Variants in VAV3 observed in about 807,000 individuals in gnomAD.
The protein encoded by VAV3 is guanine nucleotide exchange factor VAV3.
Under a neutral mutation model 131.2 loss-of-function variants are expected in VAV3, and 94 were observed. That is an observed-to-expected ratio of 0.72 (90% confidence interval 0.61 to 0.85). The LOEUF is 0.85. Ranked by LOEUF, VAV3 falls within the 40% of genes least tolerant of loss-of-function variation. VAV3 has a pLI of 0.00. For synonymous variants in VAV3, 349 were observed against 342.0 expected (o/e 1.02, Z -0.22); for missense variants, 939 against 1,002.7 (o/e 0.94, Z 0.86).
chr1:107,868,828 T>C (rs1360535994), intron 2 of VAV3, among the ~76,000 whole-genome samples: 1 of 152,138 alleles, frequency 6.6e-6, no homozygotes, highest in Non-Finnish European at 1.5e-5. Flanking sequence ...TCTCTTACTC[T>C]TGGTTGAAAG....
chr1:107,818,899 C>T (rs1234143950), intron 2 of VAV3, among the ~76,000 whole-genome samples: 1 of 152,124 alleles, frequency 6.6e-6, no homozygotes, highest in Non-Finnish European at 1.5e-5. Flanking sequence ...CACTCAATTG[C>T]CTGACTTTCT....
chr1:107,603,808 C>CT lies in VAV3; in HGVS notation c.2016-646dup, dbSNP rs781360605. Reference sequence around the variant, plus strand: ...TGCAGTCTATTTAACATGCTAGTAACTTTTTTTTTTTTTTTGAGACAGAGC... The same window carrying CT: ...TGCAGTCTATTTAACATGCTAGTAACTTTTTTTTTTTTTTTTGAGACAGAGC... On this transcript the variant is annotated intron_variant, in intron 22 of 26. Transcript: ENST00000370056. 6.0e-3 allele frequency among the ~76,000 whole-genome samples: 856 copies of CT among 141,728 alleles called. 7 individuals carry two copies. The highest frequency in any genetic ancestry group is 0.013 in the African/African-American group (506 of 38,940). 93.0% of individuals were successfully genotyped at this position (141,728 alleles called of 152,430 possible). A position where few individuals can be genotyped will look rare whatever the true frequency, so the allele number is the denominator to read the frequency against.
chr1:107,631,234 A>T (rs1194018190), intron 20 of VAV3, among the ~76,000 whole-genome samples: 1 of 152,014 alleles, frequency 6.6e-6, no homozygotes, highest in East Asian at 1.9e-4. Flanking sequence ...TTGTTATCAT[A>T]ATACATTTAA....
At chr1:107,960,311 A>G (rs2101401717) in intron 1 of VAV3, among the ~76,000 whole-genome samples, 1 of 152,106 alleles carries the variant, frequency 6.6e-6, no homozygotes, top group Non-Finnish European at 1.5e-5. Flanking sequence ...ACTAAAATAC[A>G]AAAAAGTAGC....
At chr1:107,883,747 A>G (rs1035358343) in intron 1 of VAV3, among the ~76,000 whole-genome samples, 1 of 152,182 alleles carries the variant, frequency 6.6e-6, no homozygotes, top group Admixed American at 6.5e-5. Context: ...AGCAGTCACC[A>G]TAACACACAC....
chr1:107,825,514 G>A (rs1667972917), intron 2 of VAV3, among the ~76,000 whole-genome samples: 1 of 151,214 alleles, frequency 6.6e-6, no homozygotes, highest in Non-Finnish European at 1.5e-5. Flanking sequence ...GGAAGGAAAT[G>A]TAGGCAGGCT....
intron 15 of VAV3, among the ~76,000 whole-genome samples, chr1:107,745,974 G>A (rs957582841): frequency 6.6e-6 from 1 of 152,264 alleles, no homozygotes; most frequent in East Asian, 1.9e-4. Flanking sequence ...GATACACAAG[G>A]CTTGCTGTTC....
intron 2 of VAV3, among the ~76,000 whole-genome samples, chr1:107,827,861 T>A (rs767127158): frequency 5.3e-5 from 8 of 152,206 alleles, no homozygotes; most frequent in Non-Finnish European, 1.2e-4. Flanking sequence ...TAAAATATTT[T>A]ATTAGTATCT....
intron 5 of VAV3, 76 bp from the exon 6 acceptor site, chr1:107,770,804 C>T: frequency 8.2e-7 from 1 of 1,222,052 alleles, no homozygotes; most frequent in Non-Finnish European, 1.2e-6. Flanking sequence ...AGATCAAAAG[C>T]ATTGCTGACT....
intron 2 of VAV3, among the ~76,000 whole-genome samples, chr1:107,841,323 A>G (rs1372865923): frequency 6.6e-6 from 1 of 152,204 alleles, no homozygotes; most frequent in African/African-American, 2.4e-5. Context: ...TTTTAAAAGT[A>G]TAAATGGTAT....
intron 2 of VAV3, among the ~76,000 whole-genome samples, chr1:107,807,576 T>C (rs1667117345): frequency 6.6e-6 from 1 of 152,172 alleles, no homozygotes; most frequent in Non-Finnish European, 1.5e-5. Flanking sequence ...AATGTGCACA[T>C]AGCAAATCCC....
At chr1:107,927,494 T>G (rs1673218754) in intron 1 of VAV3, among the ~76,000 whole-genome samples, 1 of 152,020 alleles carries the variant, frequency 6.6e-6, no homozygotes, top group African/African-American at 2.4e-5. Flanking sequence ...AAGTGGGCTC[T>G]GGGGGGTCTC....
chr1:107,929,522 A>G (rs867683850), intron 1 of VAV3, among the ~76,000 whole-genome samples: 23 of 152,288 alleles, frequency 1.5e-4, no homozygotes, highest in Middle Eastern at 3.4e-3. Flanking sequence ...AAGTACGCAG[A>G]AAAATACAGA....
intron 2 of VAV3, among the ~76,000 whole-genome samples, chr1:107,859,477 ATGAC>A (rs201883150): frequency 0.015 from 2,353 of 152,330 alleles, 46 homozygotes; most frequent in African/African-American, 0.044. Context: ...ATAATTCTCG[ATGAC>A]TGATTTAGTG....
chr1:107,663,714 C>T (rs757411667), intron 19 of VAV3, among the ~76,000 whole-genome samples: 1 of 152,132 alleles, frequency 6.6e-6, no homozygotes, highest in Non-Finnish European at 1.5e-5. Flanking sequence ...CAGCAAATTC[C>T]CCTTTATAAT....
At chr1:107,700,695 T>TATCA (rs1378445846) in intron 17 of VAV3, among the ~76,000 whole-genome samples, 1 of 152,258 alleles carries the variant, frequency 6.6e-6, no homozygotes, top group Non-Finnish European at 1.5e-5. Context: ...TTATCCAGTC[T>TATCA]ATCACTGATG....
chr1:107,947,939 A>G (rs1674347839), intron 1 of VAV3, among the ~76,000 whole-genome samples: 1 of 152,296 alleles, frequency 6.6e-6, no homozygotes, highest in South Asian at 2.1e-4. Context: ...CCTAGGAGTA[A>G]TAACTTATGG....
chr1:107,736,362 A>G (rs1410134765), intron 15 of VAV3, among the ~76,000 whole-genome samples: 1 of 152,204 alleles, frequency 6.6e-6, no homozygotes, highest in Non-Finnish European at 1.5e-5. Flanking sequence ...GGCAAGGGCA[A>G]TCAGGCAGGA....
chr1:107,670,479 A>T (rs977402999), intron 19 of VAV3, among the ~76,000 whole-genome samples: 6 of 148,084 alleles, frequency 4.1e-5, no homozygotes, highest in African/African-American at 1.2e-4. Context: ...GATTAAACAT[A>T]TTTTTTTTTT....
Sources: gnomAD v4.1 joint callset for allele counts (sites outside exome capture counted in the v4.1 genomes callset) on GRCh38, gnomAD v4.1.1 for gene constraint, MANE v1.5 for transcripts, NCBI Gene and HGNC (gene_info 2026-07-23, HGNC 2026-07-21) for gene names.